Variants in RAP1GAP2 observed in about 807,000 individuals in gnomAD.
The protein encoded by RAP1GAP2 is rap1 GTPase-activating protein 2.
A neutral mutation model predicts 95.0 loss-of-function variants in RAP1GAP2; 27 were observed. The ratio of observed to expected loss-of-function variants is 0.28; its 90% CI spans 0.21 to 0.39. RAP1GAP2 has a LOEUF of 0.39. RAP1GAP2 is among the 10% of genes least tolerant of loss of function. RAP1GAP2 has a pLI of 1.00. For synonymous variants in RAP1GAP2, 373 were observed against 380.9 expected (o/e 0.98, Z 0.24); for missense variants, 771 against 970.0 (o/e 0.79, Z 2.72).
At chr17:3,015,445 A>G (rs1029742868) in intron 17 of RAP1GAP2, among the ~76,000 whole-genome samples, 1 of 152,184 alleles carries the variant, frequency 6.6e-6, no homozygotes, top group Non-Finnish European at 1.5e-5. Flanking sequence ...CAGAGAGCCC[A>G]GGGAGACCTG....
chr17:2,922,942 G>A (rs536235407), intron 3 of RAP1GAP2, among the ~76,000 whole-genome samples: 1 of 148,802 alleles, frequency 6.7e-6, no homozygotes, highest in Non-Finnish European at 1.5e-5. Context: ...CTCATGGCAC[G>A]ACCTTGGCTC....
chr17:2,921,715 A>ACGGGGCTGTTAAGGTGTCCG lies in RAP1GAP2; in HGVS notation c.165+16348_165+16349insGGGGCTGTTAAGGTGTCCGC, dbSNP rs1555569369. On this transcript the variant is annotated intron_variant, in intron 3 of 24. Coordinates refer to ENST00000254695, the MANE Select transcript of RAP1GAP2 (RefSeq NM_015085.5). Reference sequence around the variant, plus strand: ...GTGTCCGCAGGGCCGTTATGTGTCCACAGGGCCGTTAAGGTGTCAGCAGGA... The same window carrying ACGGGGCTGTTAAGGTGTCCG: ...GTGTCCGCAGGGCCGTTATGTGTCCACGGGGCTGTTAAGGTGTCCGCAGGGCCGTTAAGGTGTCAGCAGGA... Among the ~76,000 whole-genome samples, 11 of 149,660 alleles carry ACGGGGCTGTTAAGGTGTCCG rather than the reference A, an allele frequency of 7.3e-5. No homozygotes were observed. The Middle Eastern group carries it at 0.01, about 140-fold the overall frequency.
chr17:2,885,124 C>T (rs2073445346), intron 2 of RAP1GAP2, among the ~76,000 whole-genome samples: 2 of 150,650 alleles, frequency 1.3e-5, no homozygotes, highest in South Asian at 2.1e-4. Flanking sequence ...AGCTCCGCCT[C>T]CCAGGTTCAA....
intron 3 of RAP1GAP2, among the ~76,000 whole-genome samples, chr17:2,911,003 A>T (rs1235516184): frequency 2.0e-5 from 3 of 152,144 alleles, no homozygotes; most frequent in Admixed American, 2.0e-4. Context: ...CTGGCCCACG[A>T]TAAGTTAAAT....
chr17:2,814,736 C>T (rs962653760), intron 2 of RAP1GAP2, among the ~76,000 whole-genome samples: 7 of 152,232 alleles, frequency 4.6e-5, no homozygotes, highest in African/African-American at 1.4e-4. Flanking sequence ...TGGTACCACC[C>T]CCCCCAACCC....
In RAP1GAP2 at chr17:2,828,420, G is replaced by GA. The variant is rs199805745; in HGVS notation, c.80+27881dup. 4.4e-3 allele frequency among the ~76,000 whole-genome samples: 640 copies of GA among 145,228 alleles called. 4 individuals carry two copies. Among genetic ancestry groups the GA allele is most frequent in the African/African-American group, 0.014 (542 of 39,624 alleles). On this transcript the variant is annotated intron_variant, in intron 2 of 24. Coordinates refer to ENST00000254695, the MANE Select transcript of RAP1GAP2 (RefSeq NM_015085.5). ...ACTTACCCTAAATTCAGTGAAAGTT[G>GA]AAAAAAAAAAAGAAGTGGCATTTGA... is the stretch of plus-strand genomic sequence containing the variant.
At chr17:2,763,664 C>A (rs1039595396) in intron 1 of RAP1GAP2, among the ~76,000 whole-genome samples, 2 of 151,846 alleles carry the variant, frequency 1.3e-5, no homozygotes, top group African/African-American at 4.8e-5. Context: ...CCACTGCACT[C>A]CAGCCTGGGT....
chr17:2,993,367 A>T (rs1442183849), intron 12 of RAP1GAP2, among the ~76,000 whole-genome samples: 2 of 151,484 alleles, frequency 1.3e-5, no homozygotes, highest in Non-Finnish European at 2.9e-5. Flanking sequence ...AGGTCAGGAG[A>T]TTGAGACCAT....
intron 12 of RAP1GAP2, among the ~76,000 whole-genome samples, chr17:2,992,720 T>C (rs1318186093): frequency 6.6e-6 from 1 of 152,180 alleles, no homozygotes; most frequent in Non-Finnish European, 1.5e-5. Flanking sequence ...ACTAATTGCT[T>C]TCTTCCTCTG....
chr17:2,853,514 G>A (rs2071975330), intron 2 of RAP1GAP2, among the ~76,000 whole-genome samples: 1 of 151,202 alleles, frequency 6.6e-6, no homozygotes, highest in South Asian at 2.1e-4. Flanking sequence ...AGGAGCGGGC[G>A]AGGGGAGGCA....
rs545664971 is a variant in RAP1GAP2 at position 2,875,422 on chromosome 17, G to A, written c.81-29862G>A. 5.3e-5 allele frequency among the ~76,000 whole-genome samples: 8 copies of A among 152,232 alleles called. No homozygotes were observed. The East Asian group carries it at 1.4e-3, about 26-fold the overall frequency. The stretch of plus-strand genomic sequence containing the variant: ...GGGAGTGGGGTGATATGAAGTTGTT[G>A]GATGGGCATTCTAACTGGTTACAGG... On this transcript the variant is annotated intron_variant, in intron 2 of 24. Transcript: ENST00000254695.
chr17:3,012,199 A>T (rs1247992412), intron 17 of RAP1GAP2, among the ~76,000 whole-genome samples: 1 of 152,116 alleles, frequency 6.6e-6, no homozygotes, highest in Non-Finnish European at 1.5e-5. Context: ...TGGCTTTTGG[A>T]CATCTAGACC....
intron 2 of RAP1GAP2, among the ~76,000 whole-genome samples, chr17:2,826,426 C>T (rs2070567791): frequency 6.6e-6 from 1 of 151,970 alleles, no homozygotes; most frequent in Non-Finnish European, 1.5e-5. Context: ...AGGAAACAGC[C>T]AGAGGCGAGG....
intron 2 of RAP1GAP2, among the ~76,000 whole-genome samples, chr17:2,869,684 C>G (rs1363777410): frequency 6.6e-6 from 1 of 152,182 alleles, no homozygotes; most frequent in African/African-American, 2.4e-5. Flanking sequence ...GCTCACACCC[C>G]CACTGAGGGT....
chr17:2,768,875 A>T (rs1273704525), intron 1 of RAP1GAP2, among the ~76,000 whole-genome samples: 1 of 151,466 alleles, frequency 6.6e-6, no homozygotes, highest in Admixed American at 6.6e-5. Context: ...AGAAGACCTA[A>T]TCTTGACTGC....
chr17:2,919,624 T>TGGTCTGGGG (rs1195258531), intron 3 of RAP1GAP2, among the ~76,000 whole-genome samples: 28 of 152,268 alleles, frequency 1.8e-4, no homozygotes, highest in African/African-American at 6.5e-4. Flanking sequence ...GGGTGGCCCA[T>TGGTCTGGGG]GGTCTGGGGG....
At chr17:2,826,725 C>T (rs1019341461) in intron 2 of RAP1GAP2, among the ~76,000 whole-genome samples, 12 of 152,076 alleles carry the variant, frequency 7.9e-5, no homozygotes, top group African/African-American at 2.4e-4. Context: ...GGAGGATTTC[C>T]GGCCGGGCGC....
chr17:2,928,050 C>T (rs2043024967), intron 3 of RAP1GAP2, among the ~76,000 whole-genome samples: 1 of 129,300 alleles, frequency 7.7e-6, no homozygotes, highest in South Asian at 2.6e-4. Flanking sequence ...TACCGTCAGT[C>T]AGCTGCTTGC....
At chr17:2,807,427 G>A (rs1205816787) in intron 2 of RAP1GAP2, among the ~76,000 whole-genome samples, 1 of 152,186 alleles carries the variant, frequency 6.6e-6, no homozygotes, top group Non-Finnish European at 1.5e-5. Context: ...GACAGGGGGA[G>A]CTTGAGGTTT....
Sources: allele counts gnomAD v4.1 joint callset (sites outside exome capture counted in the v4.1 genomes callset), GRCh38; gene constraint gnomAD v4.1.1; transcripts MANE v1.5; gene names NCBI Gene and HGNC (gene_info 2026-07-23, HGNC 2026-07-21).